Variants in SAE1 observed in about 807,000 individuals in gnomAD.
SAE1 encodes the protein SUMO-activating enzyme subunit 1.
In SAE1, 11 loss-of-function variants were observed where a neutral mutation model predicts 40.6. The observed-to-expected ratio is 0.27, with a 90% CI of 0.17 to 0.45. SAE1 has a LOEUF of 0.45. SAE1 is among the 20% of genes least tolerant of loss of function. SAE1 has a pLI of 1.00. For missense variants in SAE1, 373 were observed against 427.3 expected, an observed-to-expected ratio of 0.87 and a Z score of 1.12; for synonymous variants, 155 against 154.3, an observed-to-expected ratio of 1.00 and a Z score of -0.03.
At chr19:47,153,661 A>C (rs1362351282) in intron 4 of SAE1, among the ~76,000 whole-genome samples, 2 of 152,066 alleles carry the variant, frequency 1.3e-5, no homozygotes, top group Non-Finnish European at 2.9e-5. Context: ...AAGTCACTGA[A>C]ATTTCTCTGG....
chr19:47,151,903 T>A (rs900777495), intron 3 of SAE1, among the ~76,000 whole-genome samples: 3 of 152,250 alleles, frequency 2.0e-5, no homozygotes, highest in African/African-American at 7.2e-5. Context: ...CGTGTTTGGC[T>A]GGTCCTTGCA....
intron 6 of SAE1, among the ~76,000 whole-genome samples, chr19:47,177,958 TC>T (rs2058480854): frequency 6.6e-6 from 1 of 152,060 alleles, no homozygotes; most frequent in African/African-American, 2.4e-5. Flanking sequence ...AATATCAGAA[TC>T]TGGCCAGGCG....
intron 6 of SAE1, among the ~76,000 whole-genome samples, chr19:47,181,193 G>A (rs1456288039): frequency 2.0e-5 from 3 of 152,022 alleles, no homozygotes; most frequent in African/African-American, 7.2e-5. Flanking sequence ...GTGCATGCCT[G>A]TAATCCCAGC....
At chr19:47,202,413 G>A (rs902437139) in intron 7 of SAE1, among the ~76,000 whole-genome samples, 1 of 151,684 alleles carries the variant, frequency 6.6e-6, no homozygotes, top group Admixed American at 6.6e-5. Context: ...TCAACCTCCT[G>A]AGTAGCTGGG....
At chr19:47,182,496 T>TGTGTGTGTGTGC (rs143321323) in intron 6 of SAE1, among the ~76,000 whole-genome samples, 105 of 146,032 alleles carry the variant, frequency 7.2e-4, no homozygotes, top group South Asian at 5.5e-3. Context: ...TGTGTGTGTG[T>TGTGTGTGTGTGC]GCGCGCACGC....
chr19:47,147,105 T>C (rs2058258926), intron 2 of SAE1, among the ~76,000 whole-genome samples: 2 of 151,298 alleles, frequency 1.3e-5, no homozygotes, highest in South Asian at 4.2e-4. Context: ...AGGGCCCAAA[T>C]TGAGACTAGA....
intron 2 of SAE1, among the ~76,000 whole-genome samples, chr19:47,148,927 G>GT (rs759829417): frequency 2.6e-5 from 4 of 151,512 alleles, no homozygotes; most frequent in Non-Finnish European, 4.4e-5. Flanking sequence ...GTCTATCTAT[G>GT]TTTTTTAAAA....
intron 6 of SAE1, among the ~76,000 whole-genome samples, chr19:47,172,932 T>G (rs2058444011): frequency 6.6e-6 from 1 of 152,120 alleles, no homozygotes. Context: ...AATCTGAGGC[T>G]CAGGGAATTT....
chr19:47,175,743 A>C (rs757896982), intron 6 of SAE1, among the ~76,000 whole-genome samples: 28 of 152,208 alleles, frequency 1.8e-4, no homozygotes, highest in Non-Finnish European at 3.7e-4. Context: ...TCTCAAAATA[A>C]AATAAATAAA....
intron 1 of SAE1, among the ~76,000 whole-genome samples, chr19:47,137,703 TTG>T (rs35991953): frequency 0.63 from 84,817 of 134,628 alleles, 27,278 homozygotes; most frequent in Admixed American, 0.71. Context: ...ACTCAGCTGA[TTG>T]TGTGTGTGTG....
intron 6 of SAE1, among the ~76,000 whole-genome samples, chr19:47,193,481 T>C (rs980979157): frequency 1.3e-5 from 2 of 151,392 alleles, no homozygotes; most frequent in African/African-American, 4.9e-5. Context: ...TTCAGAAGAG[T>C]CAATGGGTGT....
rs111298954 is a variant in SAE1 at position 47,200,761 on chromosome 19, T to C, written c.879-2910T>C. ...TTGGCACACTTACTCATTTATATAT[T>C]ATCTGTGGCAGCTTTTGTGCCACAG... is the stretch of plus-strand genomic sequence containing the variant. On this transcript the variant is annotated intron_variant, in intron 7 of 8. Coordinates refer to ENST00000270225, the MANE Select transcript of SAE1 (RefSeq NM_005500.3). Among the ~76,000 whole-genome samples the C allele has an allele frequency of 4.6e-5, 7 of 152,316 alleles. 1 individual carries two copies. The highest frequency in any genetic ancestry group is 1.7e-4 in the African/African-American group (7 of 41,590).
chr19:47,185,252 C>A (rs2058536998), intron 6 of SAE1, among the ~76,000 whole-genome samples: 2 of 152,116 alleles, frequency 1.3e-5, no homozygotes, highest in African/African-American at 4.8e-5. Context: ...GTGGTACAGA[C>A]TGAGTGTCTA....
intron 6 of SAE1, among the ~76,000 whole-genome samples, chr19:47,180,499 A>G (rs1270712814): frequency 3.3e-5 from 5 of 152,228 alleles, no homozygotes; most frequent in Non-Finnish European, 5.9e-5. Flanking sequence ...TCAATGGGGA[A>G]CAGTTTGCGG....
rs1195553514 is a variant in SAE1 at position 47,182,494 on chromosome 19, T to TGC, written c.733+12572_733+12573insCG. ...GTGTGTGTGTGTGTGTGTGTGTGTG[T>TGC]GTGCGCGCACGCACGCGCGCGCGCA... On this transcript the variant is annotated intron_variant, in intron 6 of 8. Coordinates refer to ENST00000270225, the MANE Select transcript of SAE1 (RefSeq NM_005500.3). 5.9e-3 allele frequency among the ~76,000 whole-genome samples: 805 copies of TGC among 137,364 alleles called. 5 individuals carry two copies. Among genetic ancestry groups the TGC allele is most frequent in the African/African-American group, 0.018 (595 of 32,468 alleles). 90.1% of individuals were successfully genotyped at this position (137,364 alleles called of 152,430 possible).
chr19:47,193,096 C>T (rs1373765218), intron 6 of SAE1, among the ~76,000 whole-genome samples: 2 of 143,960 alleles, frequency 1.4e-5, no homozygotes, highest in Non-Finnish European at 3.0e-5. Context: ...CTTGCTCTGT[C>T]GCCCAGGCTG....
chr19:47,162,450 A>G (rs2058364446), intron 5 of SAE1, among the ~76,000 whole-genome samples: 1 of 152,106 alleles, frequency 6.6e-6, no homozygotes. Context: ...ATATTCTAGA[A>G]CCAACATTAT....
At chr19:47,207,099 A>T (rs1326062630) in intron 8 of SAE1, among the ~76,000 whole-genome samples, 1 of 152,180 alleles carries the variant, frequency 6.6e-6, no homozygotes, top group Non-Finnish European at 1.5e-5. Context: ...CTTGGGCAAC[A>T]TGAGGAGACC....
In SAE1 at chr19:47,133,169, G is replaced by A. The variant is rs573838225; in HGVS notation, c.98+2141G>A. Among the ~76,000 whole-genome samples the A allele has an allele frequency of 3.9e-5, 6 of 152,342 alleles. No homozygotes were observed. In the East Asian group the frequency reaches 1.2e-3, roughly 29 times the overall value. ...TTGAGGAGTAGCTTTTATTCTAAGT[G>A]TGTGGGAAAACCTGTTGGAGTGTTT... is the stretch of plus-strand genomic sequence containing the variant. On this transcript the variant is annotated intron_variant, in intron 1 of 8. Transcript: ENST00000270225.
Sources: gnomAD v4.1 joint callset for allele counts (sites outside exome capture counted in the v4.1 genomes callset) on GRCh38, gnomAD v4.1.1 for gene constraint, MANE v1.5 for transcripts, NCBI Gene and HGNC (gene_info 2026-07-23, HGNC 2026-07-21) for gene names.